BMP2K: variants seen among roughly 807,000 people sequenced by gnomAD.
BMP2K encodes BMP-2-inducible protein kinase.
BMP2K carries 74 observed loss-of-function variants against 116.0 expected under a neutral mutation model. That is an observed-to-expected ratio of 0.64 (90% CI 0.53 to 0.77). The LOEUF (loss-of-function observed/expected upper bound fraction) is 0.77. Ranked by LOEUF, BMP2K falls within the 30% of genes least tolerant of loss-of-function variation. The pLI is 0.00. For synonymous variants in BMP2K, 486 were observed against 502.5 expected (o/e 0.97, Z 0.44); for missense variants, 1,365 against 1,403.6 (o/e 0.97, Z 0.44).
chr4:78,908,446 T>C (rs62307995), intron 15 of BMP2K, among the ~76,000 whole-genome samples: 11,135 of 152,244 alleles, frequency 0.073, 560 homozygotes, highest in East Asian at 0.21. Flanking sequence ...GTTTGTTTTG[T>C]ATGTTCATCT....
chr4:78,776,870 G>C (rs890496038), intron 1 of BMP2K, 149 bp downstream of exon 1: 1 of 787,108 alleles, frequency 1.3e-6, no homozygotes, highest in Non-Finnish European at 1.7e-6. Flanking sequence ...AGAGTGGCTC[G>C]GGCTTTCTCT....
intron 1 of BMP2K, among the ~76,000 whole-genome samples, chr4:78,806,064 C>T (rs1487395355): frequency 5.3e-5 from 8 of 152,034 alleles, no homozygotes; most frequent in Admixed American, 5.2e-4. Flanking sequence ...AGAACATGAG[C>T]TCCTACAAAT....
intron 2 of BMP2K, among the ~76,000 whole-genome samples, chr4:78,830,004 A>T (rs887376070): frequency 2.0e-5 from 3 of 151,830 alleles, no homozygotes; most frequent in African/African-American, 7.3e-5. Context: ...CCTCCCGAGG[A>T]GCTGGGACTA....
intron 1 of BMP2K, among the ~76,000 whole-genome samples, chr4:78,825,624 G>A (rs968197783): frequency 1.3e-5 from 2 of 152,194 alleles, no homozygotes; most frequent in South Asian, 4.1e-4. Flanking sequence ...CTGGAGGAGG[G>A]AAGCACCTAT....
At chr4:78,897,788 A>G (rs1016348309) in intron 15 of BMP2K, among the ~76,000 whole-genome samples, 2 of 152,196 alleles carry the variant, frequency 1.3e-5, no homozygotes, top group African/African-American at 4.8e-5. Flanking sequence ...AAGTTAATTC[A>G]GGAGCTATTT....
intron 3 of BMP2K, among the ~76,000 whole-genome samples, chr4:78,835,307 A>G (rs1247161150): frequency 6.6e-6 from 1 of 152,174 alleles, no homozygotes; most frequent in Non-Finnish European, 1.5e-5. Context: ...TTTTTATCAA[A>G]GTAATTTGTA....
intron 7 of BMP2K, among the ~76,000 whole-genome samples, chr4:78,854,141 A>G (rs964608559): frequency 6.7e-6 from 1 of 150,158 alleles, no homozygotes; most frequent in Non-Finnish European, 1.5e-5. Context: ...GCAGTAAGGT[A>G]ATGATGAACA....
rs34288286 is a variant in BMP2K at position 78,786,405 on chromosome 4, A to ATGTGTGTGTGTGTG, written c.178+9718_178+9731dup. ...AATTCTGTTGCTTATAAGCCACCCA[A>ATGTGTGTGTGTGTG]TGTGTGTGTGTGTGTGTGTGTGTGT... On this transcript the variant is annotated intron_variant, in intron 1 of 15. Coordinates refer to ENST00000502613, the MANE Select transcript of BMP2K (RefSeq NM_198892.2). 6.3e-3 allele frequency among the ~76,000 whole-genome samples: 850 copies of ATGTGTGTGTGTGTG among 134,368 alleles called. 7 individuals are homozygous for ATGTGTGTGTGTGTG. Among genetic ancestry groups the ATGTGTGTGTGTGTG allele is most frequent in the African/African-American group, 9.9e-3 (355 of 36,016 alleles). The allele number at this position is 134,368 out of a possible 152,430, so 88.2% of individuals were successfully genotyped here. A position where few individuals can be genotyped will look rare whatever the true frequency, so the allele number is the denominator to read the frequency against.
At chr4:78,779,120 A>C (rs7676020) in intron 1 of BMP2K, among the ~76,000 whole-genome samples, 2 of 152,136 alleles carry the variant, frequency 1.3e-5, no homozygotes, top group Non-Finnish European at 2.9e-5. Flanking sequence ...TTATGTTGCA[A>C]AAAGTCACCG....
chr4:78,794,228 G>C (rs1171660156), intron 1 of BMP2K, among the ~76,000 whole-genome samples: 2 of 147,186 alleles, frequency 1.4e-5, no homozygotes, highest in Non-Finnish European at 3.0e-5. Context: ...AGTGAAATCT[G>C]TGTTGCTGGG....
chr4:78,836,898 T>C (rs992482490), intron 3 of BMP2K, among the ~76,000 whole-genome samples: 6 of 152,218 alleles, frequency 3.9e-5, no homozygotes, highest in Non-Finnish European at 7.3e-5. Context: ...ATGGACACTT[T>C]TAGTTTGAAT....
In BMP2K at chr4:78,776,644, C is replaced by G. The variant is rs1727255973; in HGVS notation, c.101C>G (p.Ser34Cys). Residue 34 changes from serine (S) to cysteine (C), a missense_variant, in exon 1 of 16, where the codon TCC (serine) becomes TGC (cysteine). Physicochemically the swap from Ser to Cys is moderately radical, Grantham distance 112. Around this residue, in one of 3 missense-constraint regions of BMP2K, gnomAD observed 762 missense variants for 756.7 expected, o/e 1.01. Transcript: ENST00000502613. ...GCCGGGGCCGGGGCCGGCTGCGGCT[C>G]CGGCGGCTCGTCCGTGGGGGTCCGG... Reference protein sequence around the residue: ...GGAGAGAGCGSGGSSVGVRVF... With the variant: ...GGAGAGAGCGCGGSSVGVRVF... The G allele has an allele frequency of 8.2e-7, 1 of 1,221,538 alleles. No homozygotes were observed. The highest frequency in any genetic ancestry group is 1.0e-6 in the Non-Finnish European group (1 of 977,518). The allele number at this position is 1,221,538 out of a possible 1,614,324, so 75.7% of individuals were successfully genotyped here.
chr4:78,788,037 C>G (rs1475603351), intron 1 of BMP2K, among the ~76,000 whole-genome samples: 3 of 151,984 alleles, frequency 2.0e-5, no homozygotes, highest in East Asian at 1.9e-4. Flanking sequence ...CATAAAGATA[C>G]TACTACTAAA....
intron 1 of BMP2K, among the ~76,000 whole-genome samples, chr4:78,778,068 TTG>T (rs1259882740): frequency 6.6e-6 from 1 of 152,228 alleles, no homozygotes; most frequent in Non-Finnish European, 1.5e-5. Flanking sequence ...TTGGTTTAGA[TTG>T]TGTTGTAGGT....
At position 78,845,128 on chromosome 4, in the gene BMP2K, A is replaced by G. The variant is rs115806189; in HGVS notation, c.668+79A>G. On this transcript the variant is annotated intron_variant, in intron 5 of 15. Coordinates refer to ENST00000502613, the MANE Select transcript of BMP2K (RefSeq NM_198892.2). ...GTCTCTGGCCAGCACTGCTAATACA[A>G]ATTTTAGGTATTTCATTTATAGATT... 1,454 of 1,188,542 alleles carry G rather than the reference A, an allele frequency of 1.2e-3. 17 individuals are homozygous for G. The African/African-American group carries it at 0.02, about 16-fold the overall frequency. The allele number at this position is 1,188,542 out of a possible 1,614,324, so 73.6% of individuals were successfully genotyped here. A position where few individuals can be genotyped will look rare whatever the true frequency, so the allele number is the denominator to read the frequency against.
chr4:78,874,859 A>G (rs1248284892), intron 13 of BMP2K, among the ~76,000 whole-genome samples: 1 of 152,224 alleles, frequency 6.6e-6, no homozygotes, highest in Non-Finnish European at 1.5e-5. Context: ...CTATTCGACA[A>G]ATCACAGGTT....
intron 1 of BMP2K, among the ~76,000 whole-genome samples, chr4:78,794,259 G>A (rs1042678961): frequency 6.6e-6 from 1 of 152,038 alleles, no homozygotes; most frequent in African/African-American, 2.4e-5. Context: ...ATGCATTCTT[G>A]ACCTCTCAAG....
intron 14 of BMP2K, 123 bp downstream of exon 14, chr4:78,879,014 A>G (rs1443098984): frequency 1.3e-6 from 2 of 1,490,046 alleles, no homozygotes; most frequent in Non-Finnish European, 1.8e-6. Flanking sequence ...TGAGGGCAAA[A>G]TTCAGGCCAT....
At chr4:78,901,196 A>G (rs546738164) in intron 15 of BMP2K, among the ~76,000 whole-genome samples, 6 of 151,706 alleles carry the variant, frequency 4.0e-5, no homozygotes, top group African/African-American at 1.4e-4. Flanking sequence ...GGTGTGCACC[A>G]CCATTCTCAG....
Sources: allele counts gnomAD v4.1 joint callset (sites outside exome capture counted in the v4.1 genomes callset), GRCh38; gene constraint gnomAD v4.1.1; regional missense constraint gnomAD v4.1.1; transcripts MANE v1.5; gene names NCBI Gene and HGNC (gene_info 2026-07-23, HGNC 2026-07-21).